Variants in B3GLCT observed in about 807,000 individuals in gnomAD.
B3GLCT encodes the protein beta-1,3-glucosyltransferase.
In B3GLCT, 65 loss-of-function variants were observed where a neutral mutation model predicts 63.4. The ratio of observed to expected loss-of-function variants is 1.03; its 90% CI spans 0.84 to 1.26. The LOEUF is 1.26. Ranked by LOEUF, B3GLCT falls within the 50% of genes most tolerant of loss-of-function variation. The pLI is 0.00. For synonymous variants in B3GLCT, 233 were observed against 219.2 expected (o/e 1.06, Z -0.55); for missense variants, 577 against 604.8 (o/e 0.95, Z 0.48).
chr13:31,216,320 C>A (rs1161048982), intron 2 of B3GLCT, among the ~76,000 whole-genome samples: 4 of 152,124 alleles, frequency 2.6e-5, no homozygotes, highest in Admixed American at 6.5e-5. Flanking sequence ...CAAATATTCC[C>A]ATTTACAACA....
intron 9 of B3GLCT, among the ~76,000 whole-genome samples, chr13:31,275,298 G>C (rs1872732224): frequency 6.6e-6 from 1 of 152,266 alleles, no homozygotes; most frequent in South Asian, 2.1e-4. Context: ...GAGGCACAGA[G>C]AAGCCAAGTG....
intron 12 of B3GLCT, among the ~76,000 whole-genome samples, chr13:31,290,377 C>G (rs1873594534): frequency 6.6e-6 from 1 of 152,042 alleles, no homozygotes; most frequent in East Asian, 1.9e-4. Context: ...GGATATATAC[C>G]CAATAATGGG....
intron 6 of B3GLCT, among the ~76,000 whole-genome samples, chr13:31,257,473 A>G (rs1477938936): frequency 6.6e-6 from 1 of 152,062 alleles, no homozygotes; most frequent in East Asian, 1.9e-4. Flanking sequence ...CCCATAGGCA[A>G]AGTATCAAGA....
chr13:31,200,071 C>T lies in B3GLCT; in HGVS notation c.-14C>T, dbSNP rs765971200. 2 of 1,364,008 alleles carry T rather than the reference C, an allele frequency of 1.5e-6. No individual in the cohort carries two copies. Among genetic ancestry groups the T allele is most frequent in the South Asian group, 1.4e-5 (1 of 69,688 alleles). 84.5% of individuals were successfully genotyped at this position (1,364,008 alleles called of 1,614,324 possible). ...CCCCGCGCCCAGGTAGGGCGCTCAGCCTCCGCCGCCAGGATGCGGCCGCCC... is the reference window on the plus strand; with the variant it reads ...CCCCGCGCCCAGGTAGGGCGCTCAGTCTCCGCCGCCAGGATGCGGCCGCCC... On this transcript the variant is annotated 5_prime_UTR_variant, in exon 1 of 15. Transcript: ENST00000343307.
At chr13:31,252,599 GA>G (rs1871485231) in intron 6 of B3GLCT, among the ~76,000 whole-genome samples, 1 of 152,006 alleles carries the variant, frequency 6.6e-6, no homozygotes, top group African/African-American at 2.4e-5. Flanking sequence ...TTTAAACCAA[GA>G]AAGATCAAAA....
At position 31,200,167 on chromosome 13, in the gene B3GLCT, C is replaced by T; in HGVS notation, c.70+13C>T. The T allele has an allele frequency of 7.7e-7, 1 of 1,299,086 alleles. No homozygotes were observed. Among genetic ancestry groups the T allele is most frequent in the Non-Finnish European group, 9.9e-7 (1 of 1,013,094 alleles). 80.5% of individuals were successfully genotyped at this position (1,299,086 alleles called of 1,614,324 possible). A position where few individuals can be genotyped will look rare whatever the true frequency, so the allele number is the denominator to read the frequency against. On this transcript the variant is annotated intron_variant, in intron 1 of 14. Transcript: ENST00000343307. ...ACCTGCTCCCTGGGTAAGTAGCGGG[C>T]GGCCAGGCGCGCAAGGGCGAGGCGT...
chr13:31,329,460 T>C, intron 14 of B3GLCT, 41 bp from the exon 15 acceptor site: 1 of 1,611,608 alleles, frequency 6.2e-7, no homozygotes, highest in South Asian at 1.1e-5. Flanking sequence ...CAAAATTATA[T>C]TCAATCAACA....
rs1871991186 is a variant in B3GLCT, at chr13:31,260,886, C to G, written c.460-60C>G. ...TATCTGAAACCAATAGTACCACCTT[C>G]TATTGGTCTTACATGAAATGATTGT... On this transcript the variant is annotated intron_variant, in intron 6 of 14. Coordinates refer to ENST00000343307, the MANE Select transcript of B3GLCT (RefSeq NM_194318.4). 2.7e-6 allele frequency: 4 copies of G among 1,497,662 alleles called. No homozygotes were observed. In the Admixed American group the frequency reaches 6.7e-5, roughly 25 times the overall value. The allele number at this position is 1,497,662 out of a possible 1,614,324, so 92.8% of individuals were successfully genotyped here.
At chr13:31,293,307 T>G (rs1216251319) in intron 12 of B3GLCT, among the ~76,000 whole-genome samples, 4 of 152,170 alleles carry the variant, frequency 2.6e-5, no homozygotes, top group African/African-American at 9.7e-5. Flanking sequence ...TCTGTAGATG[T>G]CTATTAGGTC....
At chr13:31,255,332 C>T (rs759992222) in intron 6 of B3GLCT, among the ~76,000 whole-genome samples, 1 of 152,138 alleles carries the variant, frequency 6.6e-6, no homozygotes, top group Non-Finnish European at 1.5e-5. Context: ...ACATTCCATG[C>T]TCATGGATAG....
chr13:31,316,855 G>A (rs901699045), intron 12 of B3GLCT, among the ~76,000 whole-genome samples: 8 of 152,150 alleles, frequency 5.3e-5, no homozygotes, highest in African/African-American at 1.2e-4. Flanking sequence ...ACCAACTCAC[G>A]GATAGTCTTA....
At chr13:31,294,942 C>T (rs1237545055) in intron 12 of B3GLCT, among the ~76,000 whole-genome samples, 1 of 151,708 alleles carries the variant, frequency 6.6e-6, no homozygotes, top group Non-Finnish European at 1.5e-5. Context: ...TCCTCATCTT[C>T]GTGGATTTAT....
At chr13:31,246,957 T>TA (rs1871220211) in intron 4 of B3GLCT, 66 bp from the exon 5 acceptor site, 1 of 1,059,274 alleles carries the variant, frequency 9.4e-7, no homozygotes. Flanking sequence ...TTTTCTTTTT[T>TA]TTTTTTTTTA....
intron 1 of B3GLCT, among the ~76,000 whole-genome samples, chr13:31,213,065 T>C (rs1036295876): frequency 1.4e-5 from 2 of 141,314 alleles, no homozygotes; most frequent in African/African-American, 2.5e-5. Context: ...TGTATGTGTG[T>C]GTAAAGTGAG....
intron 4 of B3GLCT, among the ~76,000 whole-genome samples, chr13:31,239,854 A>G: frequency 6.6e-6 from 1 of 152,226 alleles, no homozygotes; most frequent in East Asian, 1.9e-4. Context: ...AGGAGAGAAG[A>G]TAAAGCATAA....
At chr13:31,253,711 A>C (rs1871569601) in intron 6 of B3GLCT, among the ~76,000 whole-genome samples, 3 of 151,974 alleles carry the variant, frequency 2.0e-5, no homozygotes, top group Non-Finnish European at 4.4e-5. Context: ...TAGAGATACA[A>C]AAAAACCCTT....
Position 31,323,748 on chromosome 13 carries a change from T to C in B3GLCT, c.1185-3T>C. 2 of 1,614,086 alleles carry C rather than the reference T, an allele frequency of 1.2e-6. No homozygotes were observed. The highest frequency in any genetic ancestry group is 1.7e-6 in the Non-Finnish European group (2 of 1,179,990). On this transcript the variant is annotated splice_polypyrimidine_tract_variant and splice_region_variant and intron_variant, in intron 13 of 14. Transcript: ENST00000343307. ...CCCCTTTCTCTGCTCTGGCTCCCAC[T>C]AGAATGGTCTTCAGCAGAGAAGCCG...
intron 6 of B3GLCT, among the ~76,000 whole-genome samples, chr13:31,253,595 CAAAAA>C (rs35512327): frequency 0.012 from 224 of 18,432 alleles, 20 homozygotes; most frequent in South Asian, 0.015. Context: ...GACTCCATCT[CAAAAA>C]AAAAAAAAAA....
chr13:31,226,050 G>C (rs1870086613), intron 3 of B3GLCT, among the ~76,000 whole-genome samples: 1 of 152,174 alleles, frequency 6.6e-6, no homozygotes, highest in African/African-American at 2.4e-5. Context: ...TGGGCTCTGT[G>C]GTGATCCCAC....
Sources: allele counts gnomAD v4.1 joint callset (sites outside exome capture counted in the v4.1 genomes callset), GRCh38; gene constraint gnomAD v4.1.1; transcripts MANE v1.5; gene names NCBI Gene and HGNC (gene_info 2026-07-23, HGNC 2026-07-21).